The following ABHD18 variants were observed in gnomAD, a reference collection of about 807,000 sequenced individuals.
The protein encoded by ABHD18 is abhydrolase domain containing 18.
In ABHD18, 55 loss-of-function variants were observed where a neutral mutation model predicts 65.9. That is an observed-to-expected ratio of 0.84 (90% CI 0.67 to 1.05). ABHD18 has a LOEUF of 1.05. Ranked by LOEUF, ABHD18 falls within the 50% of genes least tolerant of loss-of-function variation. The probability of loss-of-function intolerance (pLI) is 0.00; values close to 1 mark genes in which losing one functional copy is unlikely to be tolerated. For synonymous variants in ABHD18, 181 were observed against 180.2 expected (o/e 1.00, Z -0.04); for missense variants, 533 against 558.5 (o/e 0.95, Z 0.46).
chr4:128,020,157 G>T lies in ABHD18; in HGVS notation c.687G>T (p.Gly229=), dbSNP rs907846507. 8 of 1,612,112 alleles carry T rather than the reference G, an allele frequency of 5.0e-6. No individual in the cohort carries two copies. The highest frequency in any genetic ancestry group is 6.8e-6 in the Non-Finnish European group (8 of 1,178,704). The part of the protein sequence containing the change: ...IPCLSWSTAS[G]VFTTGVLSKS... Reference sequence around the variant, plus strand: ...GCCTGTCTTGGTCCACAGCATCTGGGGTCTTCACTACGGTAATTTAATTGT... The same window carrying T: ...GCCTGTCTTGGTCCACAGCATCTGGTGTCTTCACTACGGTAATTTAATTGT... Residue 229 remains glycine, a synonymous_variant, in exon 9 of 13, where the codon GGG becomes GGT. Coordinates refer to ENST00000645843, the MANE Select transcript of ABHD18 (RefSeq NM_001358451.3).
At chr4:128,009,858 A>G (rs1754240485) in intron 6 of ABHD18, among the ~76,000 whole-genome samples, 2 of 152,260 alleles carry the variant, frequency 1.3e-5, no homozygotes, top group African/African-American at 4.8e-5. Flanking sequence ...ATTAAATAAC[A>G]AAAACATGTT....
intron 2 of ABHD18, among the ~76,000 whole-genome samples, chr4:127,983,849 T>C (rs1209704461): frequency 6.6e-6 from 1 of 151,006 alleles, no homozygotes; most frequent in African/African-American, 2.4e-5. Context: ...AGTGCGAGAC[T>C]CCGTCTCAAA....
At chr4:127,976,910 G>A (rs938178829) in intron 1 of ABHD18, among the ~76,000 whole-genome samples, 5 of 151,974 alleles carry the variant, frequency 3.3e-5, no homozygotes, top group Admixed American at 6.6e-5. Flanking sequence ...CCGTGGTGGC[G>A]GGCACCTATA....
intron 4 of ABHD18, among the ~76,000 whole-genome samples, chr4:128,002,481 T>C (rs996512103): frequency 6.6e-6 from 1 of 151,692 alleles, no homozygotes; most frequent in South Asian, 2.1e-4. Context: ...GGTTGTGCCA[T>C]GTTGGCCAGG....
intron 11 of ABHD18, among the ~76,000 whole-genome samples, chr4:128,030,230 C>A (rs1215536587): frequency 6.6e-6 from 1 of 152,100 alleles, no homozygotes; most frequent in Non-Finnish European, 1.5e-5. Context: ...GCATTGCATG[C>A]CCGTATCAAA....
intron 4 of ABHD18, among the ~76,000 whole-genome samples, chr4:128,002,135 C>T (rs112227065): frequency 1.8e-3 from 269 of 152,092 alleles, no homozygotes; most frequent in African/African-American, 6.0e-3. Flanking sequence ...ATTAGCTGGG[C>T]GTGGTGGCAG....
At chr4:128,001,656 G>T in intron 4 of ABHD18, 3 of 1,500,660 alleles carry the variant, frequency 2.0e-6, no homozygotes, top group East Asian at 2.6e-5. Flanking sequence ...GCAATTCTTG[G>T]TTCAAAATAA....
intron 1 of ABHD18, among the ~76,000 whole-genome samples, chr4:127,976,885 C>T (rs906735530): frequency 1.3e-5 from 2 of 151,946 alleles, no homozygotes; most frequent in East Asian, 1.9e-4. Flanking sequence ...ACTAAAAATA[C>T]AAAAAATTAG....
At chr4:127,994,941 G>A (rs997359548) in intron 4 of ABHD18, among the ~76,000 whole-genome samples, 22 of 152,052 alleles carry the variant, frequency 1.4e-4, no homozygotes, top group Admixed American at 2.6e-4. Context: ...GTGCAGTGGC[G>A]CGATCTTGGC....
chr4:127,989,647 A>C (rs1750593053), intron 3 of ABHD18, 74 bp from the exon 4 acceptor site: 1 of 971,888 alleles, frequency 1.0e-6, no homozygotes, highest in African/African-American at 1.6e-5. Context: ...AGAACTTTTT[A>C]TTAGAAGAAC....
chr4:127,967,257 G>A (rs1745783218), intron 1 of ABHD18, among the ~76,000 whole-genome samples: 1 of 151,668 alleles, frequency 6.6e-6, no homozygotes, highest in African/African-American at 2.4e-5. Context: ...TCTGAGGGGG[G>A]AATTGTCTCA....
chr4:128,032,486 C>T lies in ABHD18; in HGVS notation c.1343+1814C>T, dbSNP rs1360333480. On this transcript the variant is annotated intron_variant, in intron 12 of 12. Coordinates refer to ENST00000645843, the MANE Select transcript of ABHD18 (RefSeq NM_001358451.3). ...TGGATCATGACATCAGGAGTTCGAG[C>T]CCAGCCTGGCCAATATGGTAAAACC... is the stretch of plus-strand genomic sequence containing the variant. Among the ~76,000 whole-genome samples, 8 of 151,880 alleles carry T rather than the reference C, an allele frequency of 5.3e-5. No individual in the cohort carries two copies. In the East Asian group the frequency reaches 1.6e-3, roughly 29 times the overall value.
chr4:127,993,313 C>T (rs924631184), intron 4 of ABHD18, among the ~76,000 whole-genome samples: 3 of 152,286 alleles, frequency 2.0e-5, no homozygotes, highest in Admixed American at 1.3e-4. Flanking sequence ...TCCTCAACAT[C>T]TGTTGGAAAT....
At position 128,005,800 on chromosome 4, in the gene ABHD18, TGAA is replaced by T. The variant is rs75417455; in HGVS notation, c.279-3117_279-3115del. Among the ~76,000 whole-genome samples the T allele has an allele frequency of 2.5e-3, 386 of 152,304 alleles. 16 individuals carry two copies. The East Asian group carries it at 0.066, about 26-fold the overall frequency. ...TTTAGAAGCGGGAAATGGGAAGCCA[TGAA>T]GATCCAAGAGGATACTTCCCTTATC... is the stretch of plus-strand genomic sequence containing the variant. On this transcript the variant is annotated intron_variant, in intron 4 of 12. Coordinates refer to ENST00000645843, the MANE Select transcript of ABHD18 (RefSeq NM_001358451.3).
chr4:127,999,220 G>T (rs1162086761), intron 4 of ABHD18, among the ~76,000 whole-genome samples: 1 of 152,058 alleles, frequency 6.6e-6, no homozygotes, highest in African/African-American at 2.4e-5. Context: ...GGAGGTGGAG[G>T]TTGCAGTGAG....
chr4:127,973,956 C>A (rs1747372623), intron 1 of ABHD18, among the ~76,000 whole-genome samples: 1 of 151,550 alleles, frequency 6.6e-6, no homozygotes, highest in Admixed American at 6.6e-5. Context: ...GAAAATGAAG[C>A]CCAGCTGACA....
At chr4:127,987,711 A>T (rs996074767) in intron 3 of ABHD18, among the ~76,000 whole-genome samples, 25 of 151,548 alleles carry the variant, frequency 1.6e-4, no homozygotes, top group Admixed American at 8.5e-4. Flanking sequence ...AGACTCAAAA[A>T]AAAAAAATAA....
chr4:127,970,511 C>T (rs892222267), intron 1 of ABHD18, among the ~76,000 whole-genome samples: 4 of 150,160 alleles, frequency 2.7e-5, no homozygotes, highest in African/African-American at 9.8e-5. Context: ...ATTGCTTGAA[C>T]CCGGGAGACG....
intron 1 of ABHD18, among the ~76,000 whole-genome samples, chr4:127,968,513 G>GA (rs1358696956): frequency 6.6e-6 from 1 of 152,068 alleles, no homozygotes; most frequent in East Asian, 1.9e-4. Context: ...TAAAAGTCCA[G>GA]AAAAAATTAG....
Sources: gnomAD v4.1 joint callset for allele counts (sites outside exome capture counted in the v4.1 genomes callset) on GRCh38, gnomAD v4.1.1 for gene constraint, MANE v1.5 for transcripts, NCBI Gene and HGNC (gene_info 2026-07-23, HGNC 2026-07-21) for gene names.